The following TMEM229B variants were observed in gnomAD, a reference collection of about 807,000 sequenced individuals.
TMEM229B encodes transmembrane protein 229B.
Under a neutral mutation model 13.7 loss-of-function variants are expected in TMEM229B, and 6 were observed. The ratio of observed to expected loss-of-function variants is 0.44; its 90% CI spans 0.24 to 0.86. The LOEUF (loss-of-function observed/expected upper bound fraction) is 0.86. Ranked by LOEUF, TMEM229B falls within the 40% of genes least tolerant of loss-of-function variation. The pLI, the probability that TMEM229B is intolerant of heterozygous loss-of-function variation, is 0.23. For synonymous variants in TMEM229B, 107 were observed against 102.1 expected (o/e 1.05, Z -0.29); for missense variants, 170 against 236.0 (o/e 0.72, Z 1.83).
At chr14:67,484,447 A>AT (rs985536447) in intron 2 of TMEM229B, among the ~76,000 whole-genome samples, 1 of 152,090 alleles carries the variant, frequency 6.6e-6, no homozygotes, top group South Asian at 2.1e-4. Context: ...CTAGCATTTA[A>AT]TTTTTTTTCT....
Position 67,473,458 on chromosome 14 carries a change from C to A in TMEM229B, c.466G>T (p.Ala156Ser). The A allele has an allele frequency of 6.2e-7, 1 of 1,614,138 alleles. No homozygotes were observed. The highest frequency in any genetic ancestry group is 8.5e-7 in the Non-Finnish European group (1 of 1,180,038). ...ACATGGCCGTTGGCCAGGGCTAGGG[C>A]GCCGCTGGGCTCCCCGGGCTCAGCG... ...KDAEPGEPSG[A>S]LALANGHVKT... Residue 156 changes from alanine to serine, a missense_variant, in exon 3 of 3, where the codon GCC (alanine) becomes TCC (serine). Ala to Ser is a moderately conservative substitution (Grantham distance 99, BLOSUM62 1). Coordinates refer to ENST00000554480, the MANE Select transcript of TMEM229B (RefSeq NM_001348543.2). The surrounding 1 kb of genome is among the most constrained non-coding windows in gnomAD (Gnocchi z 6.5).
chr14:67,506,485 A>G (rs1027200328), intron 1 of TMEM229B, among the ~76,000 whole-genome samples: 10 of 152,186 alleles, frequency 6.6e-5, no homozygotes, highest in Admixed American at 2.6e-4. Flanking sequence ...CCTTGTACCA[A>G]ATGAAATCAT....
intron 2 of TMEM229B, among the ~76,000 whole-genome samples, chr14:67,485,248 C>T (rs996861025): frequency 2.6e-5 from 4 of 152,202 alleles, no homozygotes; most frequent in Admixed American, 1.3e-4. Flanking sequence ...CACAGAGGCA[C>T]CCATGGCCAT....
At chr14:67,485,667 A>G (rs560607673) in intron 2 of TMEM229B, among the ~76,000 whole-genome samples, 1 of 152,320 alleles carries the variant, frequency 6.6e-6, no homozygotes, top group South Asian at 2.1e-4. Context: ...AACAGCCTTC[A>G]GGCCAGACAG....
At position 67,531,317 on chromosome 14, in the gene TMEM229B, G is replaced by T. The variant is rs112631872; in HGVS notation, c.-192+2319C>A. On this transcript the variant is annotated intron_variant, in intron 1 of 2. Transcript: ENST00000554278. Reference sequence around the variant, plus strand: ...ACAACAACAACAAAAGTTGTAACTTGCCCAAGTCACATAGCTAAAAAGTGG... The same window carrying T: ...ACAACAACAACAAAAGTTGTAACTTTCCCAAGTCACATAGCTAAAAAGTGG... 1.6e-3 allele frequency among the ~76,000 whole-genome samples: 239 copies of T among 152,168 alleles called. 1 individual carries two copies. The highest frequency in any genetic ancestry group is 5.7e-3 in the African/African-American group (235 of 41,512).
At chr14:67,518,883 G>A (rs1292900178), upstream of TMEM229B, among the ~76,000 whole-genome samples, 2 of 152,182 alleles carry the variant, frequency 1.3e-5, no homozygotes, top group Admixed American at 6.5e-5. Flanking sequence ...GGAGGGAGAC[G>A]GAGCATGGAA....
chr14:67,474,407 T>A (rs1223437414), intron 2 of TMEM229B, among the ~76,000 whole-genome samples: 2 of 152,218 alleles, frequency 1.3e-5, no homozygotes, highest in Non-Finnish European at 2.9e-5. Flanking sequence ...AAGAGTCGGC[T>A]GGCCTGCTGC....
At chr14:67,509,321 T>G (rs1300238968) in intron 1 of TMEM229B, among the ~76,000 whole-genome samples, 2 of 89,520 alleles carry the variant, frequency 2.2e-5, no homozygotes, top group Non-Finnish European at 3.2e-5. Context: ...ACATCAACTC[T>G]CTCTTTTTTT....
Position 67,473,568 on chromosome 14 carries a change from T to C in TMEM229B, c.356A>G (p.Glu119Gly), listed in dbSNP as rs760086040. Residue 119 changes from glutamate (E) to glycine (G), a missense_variant, in exon 3 of 3, where the codon GAG (glutamate) becomes GGG (glycine). By Grantham distance (98) the Glu-to-Gly change is moderately conservative. Around this residue, in one of 4 missense-constraint regions of TMEM229B, gnomAD observed 7 missense variants for 24.5 expected, o/e 0.29. Transcript: ENST00000554480. The surrounding 1 kb of genome is among the most constrained non-coding windows in gnomAD (Gnocchi z 6.5). ...DFDFMGLITL[E>G]YAVPWFCGAL... Reference sequence around the variant, plus strand: ...CCCGCAGAACCAGGGCACGGCGTACTCCAGGGTGATGAGGCCCATGAAGTC... The same window carrying C: ...CCCGCAGAACCAGGGCACGGCGTACCCCAGGGTGATGAGGCCCATGAAGTC... 1 of 1,612,816 alleles carries C rather than the reference T, an allele frequency of 6.2e-7. No individual in the cohort carries two copies. The highest frequency in any genetic ancestry group is 1.3e-5 in the African/African-American group (1 of 74,908).
rs971324171 is a variant in TMEM229B at position 67,470,370 on chromosome 14, CGT to C, written c.*3048_*3049del. On this transcript the variant is annotated 3_prime_UTR_variant, in exon 3 of 3. Transcript: ENST00000554480. Reference sequence around the variant, plus strand: ...GCAGGCAATGGGCGCACAAACCGGTCGTGTGTCCTTCTCAAGAGCTGCCCAAC... The same window carrying C: ...GCAGGCAATGGGCGCACAAACCGGTCGTGTCCTTCTCAAGAGCTGCCCAAC... 1.3e-5 allele frequency: 2 copies of C among 152,308 alleles called. No homozygotes were observed. The highest frequency in any genetic ancestry group is 4.8e-5 in the African/African-American group (2 of 41,456). The allele number at this position is 152,308 out of a possible 1,614,324, so 9.4% of individuals were successfully genotyped here. A position where few individuals can be genotyped will look rare whatever the true frequency, so the allele number is the denominator to read the frequency against.
chr14:67,498,536 G>C (rs552634108), intron 1 of TMEM229B, among the ~76,000 whole-genome samples: 1 of 152,298 alleles, frequency 6.6e-6, no homozygotes, highest in South Asian at 2.1e-4. Context: ...ATAAAAGACA[G>C]GGCTACCATT....
intron 1 of TMEM229B, among the ~76,000 whole-genome samples, chr14:67,499,780 G>A (rs1195786508): frequency 6.6e-6 from 1 of 152,118 alleles, no homozygotes; most frequent in Non-Finnish European, 1.5e-5. Context: ...TTATTTAATG[G>A]TGGGGGAAAG....
At chr14:67,480,017 C>T (rs973739832) in intron 2 of TMEM229B, among the ~76,000 whole-genome samples, 1 of 152,216 alleles carries the variant, frequency 6.6e-6, no homozygotes, top group African/African-American at 2.4e-5. Flanking sequence ...CACCCTGTGC[C>T]TCAGGGTCCT....
At chr14:67,527,123 G>A (rs747506629) in intron 1 of TMEM229B, among the ~76,000 whole-genome samples, 3 of 152,194 alleles carry the variant, frequency 2.0e-5, no homozygotes, top group Non-Finnish European at 2.9e-5. Flanking sequence ...CCTGGAAGGT[G>A]CCCCGCAAGG....
chr14:67,519,335 C>T (rs750758840), upstream of TMEM229B, among the ~76,000 whole-genome samples: 3 of 152,158 alleles, frequency 2.0e-5, no homozygotes, highest in Non-Finnish European at 4.4e-5. Flanking sequence ...AAAACAAGCT[C>T]GAAAGGACTA....
intron 1 of TMEM229B, among the ~76,000 whole-genome samples, chr14:67,521,669 T>C (rs2033292745): frequency 6.6e-6 from 1 of 152,160 alleles, no homozygotes; most frequent in Non-Finnish European, 1.5e-5. Flanking sequence ...AATTCATCCA[T>C]AAAGCATTAA....
chr14:67,498,448 T>G (rs939868798), intron 1 of TMEM229B, among the ~76,000 whole-genome samples: 2 of 152,214 alleles, frequency 1.3e-5, no homozygotes, highest in Non-Finnish European at 2.9e-5. Flanking sequence ...TAACTTTCCC[T>G]TTATTTCTTT....
chr14:67,529,247 C>T (rs1036453446), intron 1 of TMEM229B, among the ~76,000 whole-genome samples: 1 of 152,170 alleles, frequency 6.6e-6, no homozygotes, highest in African/African-American at 2.4e-5. Context: ...CTCTCTGGCT[C>T]CCATACCCAC....
Position 67,498,748 on chromosome 14 carries a change from C to T in TMEM229B, c.-191-11576G>A, listed in dbSNP as rs554312400. 3.3e-5 allele frequency among the ~76,000 whole-genome samples: 5 copies of T among 152,280 alleles called. No homozygotes were observed. In the East Asian group the frequency reaches 9.7e-4, roughly 29 times the overall value. On this transcript the variant is annotated intron_variant, in intron 1 of 2. Transcript: ENST00000357461. ...TGGCGTGATCTCGGCTCACCGCAGC[C>T]TCCATCTCCTGGGTTCAAGCAATTC...
Sources: allele counts gnomAD v4.1 joint callset (sites outside exome capture counted in the v4.1 genomes callset), GRCh38; gene constraint gnomAD v4.1.1; regional missense constraint gnomAD v4.1.1; non-coding constraint Gnocchi (gnomAD v3.1); transcripts MANE v1.5; gene names NCBI Gene and HGNC (gene_info 2026-07-23, HGNC 2026-07-21).